The following EYS variants were observed in gnomAD, a reference collection of about 807,000 sequenced individuals.
EYS encodes the protein EGF-like photoreceptor maintenance factor.
EYS carries 250 observed loss-of-function variants against 282.1 expected under a neutral mutation model. The observed-to-expected ratio is 0.89, with a 90% CI of 0.80 to 0.98. The LOEUF (loss-of-function observed/expected upper bound fraction) is 0.98. Ranked by LOEUF, EYS falls within the 50% of genes least tolerant of loss-of-function variation. The pLI is 0.00. For missense variants in EYS, 4,016 were observed against 3,709.0 expected (o/e 1.08, Z -2.15); for synonymous variants, 1,355 against 1,282.9 (o/e 1.06, Z -1.20).
At chr6:65,312,507 A>G (rs537144043) in intron 11 of EYS, among the ~76,000 whole-genome samples, 20 of 152,262 alleles carry the variant, frequency 1.3e-4, no homozygotes, top group East Asian at 3.9e-4. Context: ...CCCAAACTCT[A>G]TAAGTGCCAT....
intron 14 of EYS, among the ~76,000 whole-genome samples, chr6:64,966,482 G>C (rs1770099460): frequency 6.6e-6 from 1 of 152,160 alleles, no homozygotes; most frequent in South Asian, 2.1e-4. Context: ...AGAGTATAAA[G>C]CCAAATATCT....
At chr6:64,022,371 A>AT (rs530004869) in intron 33 of EYS, among the ~76,000 whole-genome samples, 4 of 151,992 alleles carry the variant, frequency 2.6e-5, no homozygotes, top group African/African-American at 2.4e-5. Context: ...CATGGGAGAT[A>AT]TTTTTTTTCT....
rs1321940936 is a variant in EYS at position 64,439,315 on chromosome 6, TAGATA to T, written c.5677_5681del (p.Tyr1893ArgfsTer12). ...GATTTAAAGCCACATTCTGAAATTC[TAGATA>T]AGAATCTCCATAATAACGAACACAA... On this transcript the variant is annotated frameshift_variant, in exon 27 of 43. Transcript: ENST00000503581. LOFTEE classifies it high-confidence loss of function. 6.6e-7 allele frequency: 1 copy of T among 1,515,632 alleles called. No individual in the cohort carries two copies. The highest frequency in any genetic ancestry group is 8.8e-7 in the Non-Finnish European group (1 of 1,134,210). The allele number at this position is 1,515,632 out of a possible 1,614,324, so 93.9% of individuals were successfully genotyped here.
chr6:64,039,669 CA>C (rs202167916), intron 33 of EYS, among the ~76,000 whole-genome samples: 12 of 148,580 alleles, frequency 8.1e-5, no homozygotes, highest in South Asian at 2.1e-4. Flanking sequence ...GTTTTAATGG[CA>C]AAAAAAAATG....
intron 14 of EYS, among the ~76,000 whole-genome samples, chr6:64,959,290 C>A (rs931427049): frequency 1.3e-5 from 2 of 152,146 alleles, no homozygotes. Context: ...TGAAAACAAG[C>A]CCTCCAATCT....
chr6:65,508,060 T>A (rs1276664472), intron 2 of EYS, among the ~76,000 whole-genome samples: 1 of 152,144 alleles, frequency 6.6e-6, no homozygotes, highest in African/African-American at 2.4e-5. Flanking sequence ...GCCTCTAATG[T>A]GGAGATCTCT....
intron 12 of EYS, among the ~76,000 whole-genome samples, chr6:65,124,900 C>A (rs1000872398): frequency 6.6e-6 from 1 of 152,160 alleles, no homozygotes; most frequent in Non-Finnish European, 1.5e-5. Context: ...AATTAAAAAG[C>A]AAATAAATAG....
At chr6:64,075,484 T>C (rs1771737779) in intron 32 of EYS, among the ~76,000 whole-genome samples, 1 of 151,966 alleles carries the variant, frequency 6.6e-6, no homozygotes, top group African/African-American at 2.4e-5. Flanking sequence ...ACACTAGTAA[T>C]ACACAACTCT....
intron 12 of EYS, among the ~76,000 whole-genome samples, chr6:65,137,970 T>C (rs1490406026): frequency 6.6e-6 from 1 of 152,076 alleles, no homozygotes; most frequent in African/African-American, 2.4e-5. Context: ...AAGAGACTGC[T>C]AGAGATTATA....
chr6:64,590,791 CA>C lies in EYS; in HGVS notation c.5075del (p.Leu1692ArgfsTer8). On this transcript the variant is annotated frameshift_variant, in exon 26 of 43. Coordinates refer to ENST00000503581, the MANE Select transcript of EYS (RefSeq NM_001142800.2). LOFTEE classifies it high-confidence loss of function. The part of the protein sequence containing the change: ...DLTSKMTTDE[L>X]SVSENILKLL... ...GTTTTAAAATGTTTTCTGATACTGACAGTTCATCAGTAGTCATTTTTGAAGT... is the reference window on the plus strand; with the variant it reads ...GTTTTAAAATGTTTTCTGATACTGACGTTCATCAGTAGTCATTTTTGAAGT... 1 of 1,547,834 alleles carries C rather than the reference CA, an allele frequency of 6.5e-7. No homozygotes were observed. Among genetic ancestry groups the C allele is most frequent in the Non-Finnish European group, 8.7e-7 (1 of 1,143,892 alleles).
chr6:64,234,258 C>CT (rs34953836), intron 30 of EYS, among the ~76,000 whole-genome samples: 46,857 of 149,552 alleles, frequency 0.31, 7,203 homozygotes, highest in East Asian at 0.5. Flanking sequence ...AGAAAACTCA[C>CT]TTTTTTTTTT....
intron 24 of EYS, among the ~76,000 whole-genome samples, chr6:64,608,234 T>C (rs1042310601): frequency 2.0e-5 from 3 of 152,188 alleles, no homozygotes; most frequent in Middle Eastern, 6.8e-3. Flanking sequence ...GAATCTACTA[T>C]GTTGTATCTG....
At chr6:64,303,639 G>A (rs1358288410) in intron 30 of EYS, among the ~76,000 whole-genome samples, 5 of 151,734 alleles carry the variant, frequency 3.3e-5, no homozygotes, top group Non-Finnish European at 5.9e-5. Flanking sequence ...TCAGGAGATC[G>A]AGACCATCCT....
chr6:64,896,053 C>A (rs1307408171), intron 18 of EYS, among the ~76,000 whole-genome samples: 1 of 151,908 alleles, frequency 6.6e-6, no homozygotes, highest in South Asian at 2.1e-4. Flanking sequence ...TCAATAAATA[C>A]AACTAACAAA....
rs551990516 is a variant in EYS, at chr6:65,681,815, T to C, written c.-448+25320A>G. ...AGATGTAAAGAATCTTTGAGCCTCT[T>C]GCTAGTTTTATAGCTCACGTATATT... On this transcript the variant is annotated intron_variant, in intron 1 of 42. Coordinates refer to ENST00000503581, the MANE Select transcript of EYS (RefSeq NM_001142800.2). Among the ~76,000 whole-genome samples, 17 of 152,032 alleles carry C rather than the reference T, an allele frequency of 1.1e-4. 1 individual carries two copies. Among genetic ancestry groups the C allele is most frequent in the African/African-American group, 4.1e-4 (17 of 41,536 alleles).
intron 35 of EYS, among the ~76,000 whole-genome samples, chr6:63,964,443 T>C (rs1480911931): frequency 6.6e-6 from 1 of 152,248 alleles, no homozygotes; most frequent in Non-Finnish European, 1.5e-5. Context: ...ATTTCCCTCC[T>C]GTGTTTAAAA....
At chr6:64,303,147 G>T (rs984680205) in intron 30 of EYS, among the ~76,000 whole-genome samples, 21 of 152,126 alleles carry the variant, frequency 1.4e-4, no homozygotes, top group African/African-American at 5.1e-4. Flanking sequence ...CACTCTGCCT[G>T]CATGTGGTAC....
chr6:63,869,913 C>T, intron 35 of EYS, among the ~76,000 whole-genome samples: 1 of 152,020 alleles, frequency 6.6e-6, no homozygotes, highest in Non-Finnish European at 1.5e-5. Flanking sequence ...AATTACCCTC[C>T]CCCCATAAAA....
intron 40 of EYS, among the ~76,000 whole-genome samples, chr6:63,776,717 G>A (rs1473272376): frequency 6.6e-6 from 1 of 152,010 alleles, no homozygotes; most frequent in Non-Finnish European, 1.5e-5. Context: ...TGGCTCTTAG[G>A]TTCAAACTGT....
Sources: gnomAD v4.1 joint callset for allele counts (sites outside exome capture counted in the v4.1 genomes callset) on GRCh38, gnomAD v4.1.1 for gene constraint, MANE v1.5 for transcripts, NCBI Gene and HGNC (gene_info 2026-07-23, HGNC 2026-07-21) for gene names.